Variants in KCNIP4 observed in about 807,000 individuals in gnomAD.
KCNIP4 encodes the protein potassium voltage-gated channel interacting protein 4.
A neutral mutation model predicts 34.0 loss-of-function variants in KCNIP4; 12 were observed. That is an observed-to-expected ratio of 0.35 (90% CI 0.23 to 0.57). The LOEUF (loss-of-function observed/expected upper bound fraction) is 0.57, where lower values mean the gene tolerates loss of function less well. Among genes scored for constraint, KCNIP4 ranks in the 20% least tolerant of loss-of-function variants. The pLI is 0.83. For synonymous variants in KCNIP4, 124 were observed against 102.2 expected (o/e 1.21, Z -1.29); for missense variants, 238 against 311.7 (o/e 0.76, Z 1.78).
chr4:21,440,351 T>A (rs1727351186), intron 1 of KCNIP4, among the ~76,000 whole-genome samples: 1 of 152,222 alleles, frequency 6.6e-6, no homozygotes, highest in Admixed American at 6.5e-5. Context: ...ATACTCCTAA[T>A]GCAGAAACCA....
At chr4:21,839,013 A>G (rs557447222) in intron 1 of KCNIP4, among the ~76,000 whole-genome samples, 1 of 152,274 alleles carries the variant, frequency 6.6e-6, no homozygotes, top group South Asian at 2.1e-4. Flanking sequence ...TGAGGGCACA[A>G]TTGTGTTTTC....
intron 3 of KCNIP4, among the ~76,000 whole-genome samples, chr4:20,833,246 G>A (rs1234982289): frequency 6.6e-6 from 1 of 152,154 alleles, no homozygotes; most frequent in Admixed American, 6.5e-5. Context: ...TGGTGACATT[G>A]TTCTTTTTCC....
chr4:21,116,848 C>T (rs1749716414), intron 1 of KCNIP4, among the ~76,000 whole-genome samples: 1 of 152,118 alleles, frequency 6.6e-6, no homozygotes, highest in South Asian at 2.1e-4. Context: ...TATTATTTCA[C>T]CTTCATAACC....
chr4:20,909,918 A>G (rs1728169118), intron 1 of KCNIP4, among the ~76,000 whole-genome samples: 1 of 152,174 alleles, frequency 6.6e-6, no homozygotes, highest in Non-Finnish European at 1.5e-5. Flanking sequence ...AGATTCCCAC[A>G]GCTGCCAGCA....
At chr4:21,231,636 G>T (rs543800786) in intron 1 of KCNIP4, among the ~76,000 whole-genome samples, 11 of 152,156 alleles carry the variant, frequency 7.2e-5, no homozygotes, top group African/African-American at 2.6e-4. Context: ...GGAGACCATT[G>T]GGTTCTTCTC....
chr4:21,892,522 TA>T (rs1164919066), intron 1 of KCNIP4, among the ~76,000 whole-genome samples: 1,060 of 91,996 alleles, frequency 0.012, 9 homozygotes, highest in African/African-American at 0.034. Flanking sequence ...ATTATGACTT[TA>T]AAAAAAAAAA....
chr4:21,071,132 A>T (rs945871393), intron 1 of KCNIP4, among the ~76,000 whole-genome samples: 2 of 151,960 alleles, frequency 1.3e-5, no homozygotes, highest in Admixed American at 6.6e-5. Flanking sequence ...CCATTTGGTT[A>T]TTTTTTCTTG....
intron 1 of KCNIP4, among the ~76,000 whole-genome samples, chr4:21,324,230 G>A (rs1714796743): frequency 6.6e-6 from 1 of 151,802 alleles, no homozygotes; most frequent in Admixed American, 6.6e-5. Flanking sequence ...TTTCTTTGCT[G>A]TGCAGAAATA....
intron 1 of KCNIP4, among the ~76,000 whole-genome samples, chr4:21,239,053 C>T (rs1387384788): frequency 1.3e-5 from 2 of 151,834 alleles, no homozygotes; most frequent in Admixed American, 6.6e-5. Context: ...CAGAACAGAG[C>T]CCTCAGAAAT....
chr4:20,867,772 T>C (rs148613275), intron 2 of KCNIP4, among the ~76,000 whole-genome samples: 1 of 151,988 alleles, frequency 6.6e-6, no homozygotes, highest in African/African-American at 2.4e-5. Flanking sequence ...CAGCAAACTA[T>C]CGCAAGGACA....
intron 1 of KCNIP4, among the ~76,000 whole-genome samples, chr4:21,896,522 C>A (rs962872572): frequency 2.2e-5 from 3 of 135,264 alleles, no homozygotes; most frequent in Non-Finnish European, 4.8e-5. Context: ...GGAGTAAGGA[C>A]AAAGGAAAAT....
chr4:21,149,995 G>A (rs1752647360), intron 1 of KCNIP4, among the ~76,000 whole-genome samples: 1 of 152,126 alleles, frequency 6.6e-6, no homozygotes, highest in South Asian at 2.1e-4. Context: ...CATTTGTAGT[G>A]TTTTGTTTTT....
At chr4:21,705,981 T>TTG (rs1416785609) in intron 1 of KCNIP4, among the ~76,000 whole-genome samples, 4 of 152,188 alleles carry the variant, frequency 2.6e-5, no homozygotes, top group African/African-American at 9.6e-5. Flanking sequence ...CTGCCTATAT[T>TTG]TGTGTATTGT....
intron 2 of KCNIP4, among the ~76,000 whole-genome samples, chr4:20,864,472 G>T (rs1052921370): frequency 6.6e-6 from 1 of 151,748 alleles, no homozygotes; most frequent in Non-Finnish European, 1.5e-5. Context: ...TTGTTCTGTA[G>T]ATGAAGATAC....
At chr4:21,405,740 G>A (rs983971574) in intron 1 of KCNIP4, among the ~76,000 whole-genome samples, 4 of 152,212 alleles carry the variant, frequency 2.6e-5, no homozygotes, top group Non-Finnish European at 4.4e-5. Flanking sequence ...TATGTAAACT[G>A]CATATAGTTT....
At chr4:21,461,520 A>G (rs932469919) in intron 1 of KCNIP4, among the ~76,000 whole-genome samples, 1 of 152,018 alleles carries the variant, frequency 6.6e-6, no homozygotes, top group African/African-American at 2.4e-5. Context: ...AAGAAGAAAA[A>G]TCTTTCACTT....
intron 1 of KCNIP4, among the ~76,000 whole-genome samples, chr4:20,961,889 C>T (rs1307935041): frequency 3.0e-4 from 45 of 152,196 alleles, no homozygotes; most frequent in Admixed American, 2.8e-3. Flanking sequence ...ATGAACAATG[C>T]TCATGTGCAT....
At chr4:20,780,343 A>C (rs1578601244) in intron 3 of KCNIP4, among the ~76,000 whole-genome samples, 1 of 152,294 alleles carries the variant, frequency 6.6e-6, no homozygotes, top group South Asian at 2.1e-4. Context: ...AAATAATGGC[A>C]TTTAAAGAGT....
chr4:21,408,290 G>C (rs546543967), intron 1 of KCNIP4, among the ~76,000 whole-genome samples: 6 of 152,262 alleles, frequency 3.9e-5, no homozygotes, highest in African/African-American at 1.4e-4. Context: ...GCCCTCCAAG[G>C]AAAACTCAGT....
Sources: gnomAD v4.1 joint callset for allele counts (sites outside exome capture counted in the v4.1 genomes callset) on GRCh38, gnomAD v4.1.1 for gene constraint, MANE v1.5 for transcripts, NCBI Gene and HGNC (gene_info 2026-07-23, HGNC 2026-07-21) for gene names.